KCNN2: variants seen among roughly 807,000 people sequenced by gnomAD.
KCNN2 encodes the protein potassium calcium-activated channel subfamily N member 2, also known as small conductance calcium-activated potassium channel protein 2.
In KCNN2, 24 loss-of-function variants were observed where a neutral mutation model predicts 55.5. The observed-to-expected ratio is 0.43, with a 90% CI of 0.31 to 0.61. KCNN2 has a LOEUF of 0.61. Among genes scored for constraint, KCNN2 ranks in the 20% least tolerant of loss-of-function variants. The pLI, the probability that KCNN2 is intolerant of heterozygous loss-of-function variation, is 0.08. For synonymous variants in KCNN2, 431 were observed against 336.1 expected, an observed-to-expected ratio of 1.28 and a Z score of -3.09; for missense variants, 754 against 853.6, an observed-to-expected ratio of 0.88 and a Z score of 1.45.
intron 6 of KCNN2, among the ~76,000 whole-genome samples, chr5:114,488,425 C>A (rs546445770): frequency 7.9e-5 from 12 of 152,216 alleles, no homozygotes; most frequent in African/African-American, 2.6e-4. Context: ...AAGGAAAACA[C>A]AAGGTTAGAG....
At chr5:114,379,557 A>G (rs986880408) in intron 2 of KCNN2, among the ~76,000 whole-genome samples, 1 of 89,472 alleles carries the variant, frequency 1.1e-5, no homozygotes, top group Admixed American at 1.2e-4. Flanking sequence ...AATATATTAT[A>G]TAACATATTA....
chr5:114,395,101 C>T (rs1758575883), intron 2 of KCNN2, among the ~76,000 whole-genome samples: 1 of 152,138 alleles, frequency 6.6e-6, no homozygotes, highest in Non-Finnish European at 1.5e-5. Context: ...CAAGAGCTTG[C>T]AGTTACCTTG....
intron 2 of KCNN2, among the ~76,000 whole-genome samples, chr5:114,368,883 A>G (rs573900429): frequency 4.6e-5 from 7 of 151,540 alleles, no homozygotes; most frequent in African/African-American, 1.7e-4. Flanking sequence ...TTTTTTTAGC[A>G]GGTACATGAG....
chr5:114,070,261 C>T (rs142257157), intron 1 of KCNN2, among the ~76,000 whole-genome samples: 24 of 152,302 alleles, frequency 1.6e-4, no homozygotes, highest in Non-Finnish European at 2.6e-4. Context: ...AGGCCTATGT[C>T]CCTGGCTTCA....
intron 5 of KCNN2, among the ~76,000 whole-genome samples, chr5:114,475,333 A>G (rs1298624859): frequency 6.6e-6 from 1 of 151,764 alleles, no homozygotes; most frequent in Non-Finnish European, 1.5e-5. Context: ...TTCTCACCAT[A>G]CTTGACTTCT....
intron 1 of KCNN2, among the ~76,000 whole-genome samples, chr5:114,101,499 T>C (rs7713547): frequency 0.19 from 29,162 of 151,132 alleles, 3,047 homozygotes; most frequent in African/African-American, 0.27. Flanking sequence ...GTTTGTTACA[T>C]AGGTATACAT....
chr5:114,248,683 A>T (rs1267690812), intron 2 of KCNN2, among the ~76,000 whole-genome samples: 1 of 152,208 alleles, frequency 6.6e-6, no homozygotes, highest in Admixed American at 6.5e-5. Flanking sequence ...TTGAAATTAA[A>T]CTCAAGCAAC....
chr5:114,140,756 C>T (rs1306208911), intron 1 of KCNN2, among the ~76,000 whole-genome samples: 1 of 139,618 alleles, frequency 7.2e-6, no homozygotes, highest in African/African-American at 2.7e-5. Context: ...ACATTACTGT[C>T]ATCCTCATTA....
At chr5:114,436,519 A>G (rs1398997287) in intron 3 of KCNN2, among the ~76,000 whole-genome samples, 1 of 152,230 alleles carries the variant, frequency 6.6e-6, no homozygotes, top group Non-Finnish European at 1.5e-5. Flanking sequence ...TAAAGTCAGC[A>G]TTCAGAGTCC....
intron 2 of KCNN2, among the ~76,000 whole-genome samples, chr5:114,248,318 A>C (rs1754787400): frequency 1.3e-5 from 2 of 152,148 alleles, no homozygotes; most frequent in South Asian, 4.1e-4. Context: ...ACATCTTTTA[A>C]TTTGCCTCAA....
intron 6 of KCNN2, among the ~76,000 whole-genome samples, chr5:114,488,670 C>T (rs1561416510): frequency 2.0e-5 from 3 of 152,112 alleles, no homozygotes; most frequent in Non-Finnish European, 4.4e-5. Flanking sequence ...TGTTCCTTAA[C>T]CTATTTTCCT....
Position 114,496,287 on chromosome 5 carries a change from C to T in KCNN2, c.*105C>T. On this transcript the variant is annotated 3_prime_UTR_variant, in exon 8 of 8. Coordinates refer to ENST00000673685, the MANE Select transcript of KCNN2 (RefSeq NM_021614.4). ...GGTTCTAATCAGCGTTATCCGGGTT[C>T]TGATGTCAGAATCCTGGGAACCTGA... 8.0e-7 allele frequency: 1 copy of T among 1,248,450 alleles called. No homozygotes were observed. Among genetic ancestry groups the T allele is most frequent in the Non-Finnish European group, 1.1e-6 (1 of 913,970 alleles). The allele number at this position is 1,248,450 out of a possible 1,614,324, so 77.3% of individuals were successfully genotyped here. A position where few individuals can be genotyped will look rare whatever the true frequency, so the allele number is the denominator to read the frequency against.
At chr5:114,351,382 T>C (rs2150040310) in intron 2 of KCNN2, among the ~76,000 whole-genome samples, 1 of 151,922 alleles carries the variant, frequency 6.6e-6, no homozygotes, top group Admixed American at 6.6e-5. Flanking sequence ...CACAGTCATG[T>C]CCTGTATAAA....
rs868659165 is a variant in KCNN2 at position 114,362,549 on chromosome 5, G to T, written c.410G>T (p.Ser137Ile). The T allele has an allele frequency of 1.2e-5, 7 of 593,070 alleles. No homozygotes were observed. In the African/African-American group the frequency reaches 1.4e-4, roughly 12 times the overall value. 36.7% of individuals were successfully genotyped at this position (593,070 alleles called of 1,614,324 possible). The change falls in exon 1 of 8, where the codon AGT becomes ATT. Residue 137 changes from serine (S) to isoleucine (I), a missense_variant. Physicochemically the swap from Ser to Ile is moderately radical, Grantham distance 142. Transcript: ENST00000673685. ...GAGCTGACGCCGTCCAGCCATGCCA[G>T]TGCGCTCCGGCAGCAGTACGCGCAG... The part of the protein sequence containing the change: ...VSELTPSSHA[S>I]ALRQQYAQQS...
At chr5:114,100,166 C>T (rs988032643) in intron 1 of KCNN2, among the ~76,000 whole-genome samples, 5 of 151,862 alleles carry the variant, frequency 3.3e-5, no homozygotes, top group Admixed American at 2.0e-4. Context: ...TAATGTTTTA[C>T]GTATTCCAAT....
At position 114,233,247 on chromosome 5, in the gene KCNN2, A is replaced by C. The variant is rs947903890; in HGVS notation, c.-185+11682A>C. The stretch of plus-strand genomic sequence containing the variant: ...TTGTTTCTTGTTTTAACAGATACAA[A>C]AATAATTTAGTCTCTTGGATTTTAA... On this transcript the variant is annotated intron_variant, in intron 2 of 10. Coordinates refer to the KCNN2 transcript ENST00000512097. Among the ~76,000 whole-genome samples the C allele has an allele frequency of 1.8e-4, 28 of 152,102 alleles. 2 individuals carry two copies. Among genetic ancestry groups the C allele is most frequent in the African/African-American group, 6.5e-4 (27 of 41,398 alleles).
rs1750649995 is a variant in KCNN2, at chr5:114,074,631, G to C, written c.-271+18131G>C. Reference sequence around the variant, plus strand: ...AGCCCCTCCACTCTGCTCCAACCCTGTGTGGTGAAGCAAGCTTCCTTTGAA... The same window carrying C: ...AGCCCCTCCACTCTGCTCCAACCCTCTGTGGTGAAGCAAGCTTCCTTTGAA... On this transcript the variant is annotated intron_variant, in intron 1 of 10. Transcript: ENST00000512097. Among the ~76,000 whole-genome samples the C allele has an allele frequency of 2.0e-5, 3 of 152,310 alleles. No individual in the cohort carries two copies. In the South Asian group the frequency reaches 6.2e-4, roughly 32 times the overall value.
chr5:114,108,444 G>C (rs529878653), intron 1 of KCNN2, among the ~76,000 whole-genome samples: 48 of 151,866 alleles, frequency 3.2e-4, no homozygotes, highest in Admixed American at 6.6e-4. Context: ...ATATAATTTG[G>C]TAAGTTTTGC....
At chr5:114,065,117 C>A (rs1750418998) in intron 1 of KCNN2, among the ~76,000 whole-genome samples, 1 of 152,184 alleles carries the variant, frequency 6.6e-6, no homozygotes. Context: ...TGTAGCGTCA[C>A]CTCTACCAGT....
Sources: gnomAD v4.1 joint callset for allele counts (sites outside exome capture counted in the v4.1 genomes callset) on GRCh38, gnomAD v4.1.1 for gene constraint, MANE v1.5 for transcripts, NCBI Gene and HGNC (gene_info 2026-07-23, HGNC 2026-07-21) for gene names.